The following ANKRD27 variants were observed in gnomAD, a reference collection of about 807,000 sequenced individuals.
ANKRD27 encodes ankyrin repeat domain 27.
Under a neutral mutation model 129.7 loss-of-function variants are expected in ANKRD27, and 112 were observed. The ratio of observed to expected loss-of-function variants is 0.86; its 90% CI spans 0.74 to 1.01. The LOEUF (loss-of-function observed/expected upper bound fraction) is 1.01. Ranked by LOEUF, ANKRD27 falls within the 50% of genes least tolerant of loss-of-function variation. The probability of loss-of-function intolerance (pLI) is 0.00; values close to 1 mark genes in which losing one functional copy is unlikely to be tolerated. For missense variants in ANKRD27, 1,258 were observed against 1,300.5 expected, an observed-to-expected ratio of 0.97 and a Z score of 0.50; for synonymous variants, 516 against 511.2, an observed-to-expected ratio of 1.01 and a Z score of -0.13.
intron 1 of ANKRD27, among the ~76,000 whole-genome samples, chr19:32,673,825 C>T (rs1375905650): frequency 1.3e-5 from 2 of 152,076 alleles, no homozygotes; most frequent in East Asian, 3.9e-4. Flanking sequence ...AACACCAGTC[C>T]TCATGCCAGG....
intron 2 of ANKRD27, among the ~76,000 whole-genome samples, chr19:32,652,136 C>T (rs533142221): frequency 1.3e-5 from 2 of 152,328 alleles, no homozygotes; most frequent in African/African-American, 2.4e-5. Flanking sequence ...TCTGGAGTAG[C>T]TGTGGAGTTT....
At chr19:32,652,625 T>C (rs1004497317) in intron 2 of ANKRD27, among the ~76,000 whole-genome samples, 1 of 146,546 alleles carries the variant, frequency 6.8e-6, no homozygotes, top group African/African-American at 2.5e-5. Flanking sequence ...GGAGCTGCAT[T>C]TTATGAGGAA....
rs1966991979 is a variant in ANKRD27, at chr19:32,631,510, C to A, written c.1117-16G>T. Reference sequence around the variant, plus strand: ...CCTCAGACTCCTGCAGGGAAAAAACCAAACACACCACGAGATGTCAGTGCA... The same window carrying A: ...CCTCAGACTCCTGCAGGGAAAAAACAAAACACACCACGAGATGTCAGTGCA... On this transcript the variant is annotated splice_polypyrimidine_tract_variant and intron_variant, in intron 12 of 28. Coordinates refer to ENST00000306065, the MANE Select transcript of ANKRD27 (RefSeq NM_032139.3). 6.2e-7 allele frequency: 1 copy of A among 1,605,632 alleles called. No homozygotes were observed. The highest frequency in any genetic ancestry group is 1.3e-5 in the African/African-American group (1 of 74,764).
chr19:32,660,482 C>T (rs534160783), intron 1 of ANKRD27, among the ~76,000 whole-genome samples: 9 of 152,274 alleles, frequency 5.9e-5, no homozygotes, highest in Admixed American at 3.3e-4. Flanking sequence ...CACGCCACCG[C>T]ACTCCAGCCT....
In ANKRD27 at chr19:32,664,680, C is replaced by T. The variant is rs1019805441; in HGVS notation, c.-30-5635G>A. 6.9e-5 allele frequency among the ~76,000 whole-genome samples: 10 copies of T among 145,930 alleles called. 1 individual carries two copies. In the Middle Eastern group the frequency reaches 0.019, roughly 278 times the overall value. ...ATAATAAAAAGTTCTTCATGATGGC[C>T]GGGCACAGTGGCTCATGCCTGTAAT... On this transcript the variant is annotated intron_variant, in intron 1 of 28. Coordinates refer to ENST00000306065, the MANE Select transcript of ANKRD27 (RefSeq NM_032139.3).
At chr19:32,673,833 A>C (rs1478878733) in intron 1 of ANKRD27, among the ~76,000 whole-genome samples, 2 of 152,114 alleles carry the variant, frequency 1.3e-5, no homozygotes, top group Non-Finnish European at 2.9e-5. Flanking sequence ...TCCTCATGCC[A>C]GGCTGATCTC....
rs1183677169 is a variant in ANKRD27 at position 32,675,139 on chromosome 19, G to C, written c.-99C>G. On this transcript the variant is annotated 5_prime_UTR_variant, in exon 1 of 29. Transcript: ENST00000306065. The stretch of plus-strand genomic sequence containing the variant: ...GGCGGCACCTCCCTCGTCCGCTGCT[G>C]GGACCTCGATGCCCACCACCCTCGC... 1 of 152,436 alleles carries C rather than the reference G, an allele frequency of 6.6e-6. No individual in the cohort carries two copies. Among genetic ancestry groups the C allele is most frequent in the African/African-American group, 2.4e-5 (1 of 41,452 alleles). The allele number at this position is 152,436 out of a possible 1,614,324, so 9.4% of individuals were successfully genotyped here.
rs1482118585 is a variant in ANKRD27, at chr19:32,605,886, G to C, written c.2442C>G (p.Leu814=). The change falls in exon 24 of 29, where the codon CTC becomes CTG. Residue 814 remains leucine, a synonymous_variant. Transcript: ENST00000306065. ...GATGGCCACCGGAGCAGGCGTAAAT[G>C]AGGGGCGTGTTTCCACTGAGGTCCT... The part of the protein sequence containing the change: ...NKKDLSGNTP[L]IYACSGGHHE... The C allele has an allele frequency of 6.2e-7, 1 of 1,614,156 alleles. No individual in the cohort carries two copies. Among genetic ancestry groups the C allele is most frequent in the Non-Finnish European group, 8.5e-7 (1 of 1,180,006 alleles).
At chr19:32,648,944 A>G (rs1437233186) in intron 3 of ANKRD27, among the ~76,000 whole-genome samples, 1 of 150,274 alleles carries the variant, frequency 6.7e-6, no homozygotes, top group Non-Finnish European at 1.5e-5. Context: ...TTATTTCAAA[A>G]CAAAAAGATT....
Position 32,642,099 on chromosome 19 carries a change from A to G in ANKRD27, c.829T>C (p.Cys277Arg). ...AKRELAQLNK[C>R]TSPQQKLVCL... ...ACAAGCTTCTGCTGTGGGGAGGTGC[A>G]TTTGTTCAGCTGAGCCAGCTCTCTT... Residue 277 changes from cysteine to arginine, a missense_variant, in exon 10 of 29, where the codon TGC becomes CGC. Physicochemically the swap from Cys to Arg is radical, Grantham distance 180. Transcript: ENST00000306065. 1 of 1,610,798 alleles carries G rather than the reference A, an allele frequency of 6.2e-7. No homozygotes were observed.
intron 1 of ANKRD27, among the ~76,000 whole-genome samples, chr19:32,664,963 A>AT (rs369811491): frequency 0.016 from 1,086 of 69,672 alleles, 17 homozygotes; most frequent in African/African-American, 0.057. Context: ...TATATTTTAC[A>AT]TTTTTTTATT....
intron 1 of ANKRD27, 88 bp from the exon 2 acceptor site, chr19:32,659,133 CTTTTTCTTT>C (rs894477588): frequency 1.0e-4 from 33 of 331,040 alleles, no homozygotes; most frequent in African/African-American, 7.2e-4. Flanking sequence ...CTGGCATTTT[CTTTTTCTTT>C]TTTTTTTTTT....
chr19:32,602,474 A>G lies in ANKRD27; in HGVS notation c.2656-348T>C, dbSNP rs551102549. 2.6e-5 allele frequency among the ~76,000 whole-genome samples: 4 copies of G among 152,176 alleles called. No individual in the cohort carries two copies. In the South Asian group the frequency reaches 8.3e-4, roughly 32 times the overall value. On this transcript the variant is annotated intron_variant, in intron 25 of 28. Transcript: ENST00000306065. ...AGTAAGTACTCATTGAAACACATTA[A>G]TTAACTGGGCACGGTGGCTCACGCG...
intron 13 of ANKRD27, among the ~76,000 whole-genome samples, chr19:32,630,119 G>A (rs988727295): frequency 4.6e-5 from 7 of 151,974 alleles, no homozygotes; most frequent in African/African-American, 1.2e-4. Flanking sequence ...CTATGGACTA[G>A]GGGATCCTCT....
chr19:32,609,195 C>T (rs974202251), intron 22 of ANKRD27, among the ~76,000 whole-genome samples: 2 of 151,596 alleles, frequency 1.3e-5, no homozygotes, highest in Admixed American at 6.6e-5. Context: ...GGAACAGAAA[C>T]TACTCCAACC....
chr19:32,628,782 G>T lies in ANKRD27; in HGVS notation c.1277C>A (p.Thr426Asn). 1 of 1,614,104 alleles carries T rather than the reference G, an allele frequency of 6.2e-7. No homozygotes were observed. Among genetic ancestry groups the T allele is most frequent in the Non-Finnish European group, 8.5e-7 (1 of 1,180,026 alleles). ...GAGAGGGTGACACATCTTTTGGACG[G>T]TATCTTTATCATGGTCCTCTTGGCT... Reference protein sequence around the residue: ...LLSQEDHDKDTVQKMCHPLCF... With the variant: ...LLSQEDHDKDNVQKMCHPLCF... The change falls in exon 14 of 29, where the codon ACC becomes AAC. Residue 426 changes from threonine (T) to asparagine (N), a missense_variant. Coordinates refer to ENST00000306065, the MANE Select transcript of ANKRD27 (RefSeq NM_032139.3).
intron 1 of ANKRD27, 95 bp downstream of exon 1, chr19:32,674,976 C>G (rs1028656866): frequency 3.3e-5 from 5 of 152,020 alleles, no homozygotes; most frequent in African/African-American, 1.2e-4. Flanking sequence ...CCCCTCCCCC[C>G]TCACTCTCCG....
At chr19:32,661,850 T>C (rs186504397) in intron 1 of ANKRD27, among the ~76,000 whole-genome samples, 156 of 152,274 alleles carry the variant, frequency 1.0e-3, no homozygotes, top group African/African-American at 3.4e-3. Context: ...AAAACACATA[T>C]AAGTGGACCC....
rs140417100 is a variant in ANKRD27, at chr19:32,640,389, C to A, written c.905-4G>T. 4,889 of 1,613,334 alleles carry A rather than the reference C, an allele frequency of 3.0e-3. 9 individuals are homozygous for A. Among genetic ancestry groups the A allele is most frequent in the Non-Finnish European group, 3.1e-3 (3,712 of 1,179,324 alleles). The stretch of plus-strand genomic sequence containing the variant: ...GCACACATGGTCTCCAGGTTCACTG[C>A]AAAGGGGAAACACACATTCAATGCC... On this transcript the variant is annotated splice_region_variant and splice_polypyrimidine_tract_variant and intron_variant, in intron 10 of 28. Coordinates refer to ENST00000306065, the MANE Select transcript of ANKRD27 (RefSeq NM_032139.3).
Sources: gnomAD v4.1 joint callset for allele counts (sites outside exome capture counted in the v4.1 genomes callset) on GRCh38, gnomAD v4.1.1 for gene constraint, MANE v1.5 for transcripts, NCBI Gene and HGNC (gene_info 2026-07-23, HGNC 2026-07-21) for gene names.